The following RNF139 variants were observed in gnomAD, a reference collection of about 807,000 sequenced individuals.
RNF139 encodes the protein E3 ubiquitin-protein ligase RNF139.
Under a neutral mutation model 49.5 loss-of-function variants are expected in RNF139, and 15 were observed. The observed-to-expected ratio is 0.30, with a 90% CI of 0.20 to 0.47. The LOEUF (loss-of-function observed/expected upper bound fraction) is 0.47. Ranked by LOEUF, RNF139 falls within the 20% of genes least tolerant of loss-of-function variation. The pLI is 1.00. For missense variants in RNF139, 619 were observed against 806.3 expected, an observed-to-expected ratio of 0.77 and a Z score of 2.81; for synonymous variants, 325 against 300.9, an observed-to-expected ratio of 1.08 and a Z score of -0.83.
chr8:124,475,055 GC>G lies in RNF139; in HGVS notation c.-52del. On this transcript the variant is annotated 5_prime_UTR_variant, in exon 1 of 2. Coordinates refer to ENST00000303545, the MANE Select transcript of RNF139 (RefSeq NM_007218.4). Reference sequence around the variant, plus strand: ...CCCCCGCCCCCGGCCGCGGCCCCGGGCCCTGCCCCGCGCGGCCCTGCCCGGC... The same window carrying G: ...CCCCCGCCCCCGGCCGCGGCCCCGGGCCTGCCCCGCGCGGCCCTGCCCGGC... The G allele has an allele frequency of 7.6e-7, 1 of 1,314,792 alleles. No homozygotes were observed. Among genetic ancestry groups the G allele is most frequent in the South Asian group, 1.9e-5 (1 of 53,722 alleles). 81.4% of individuals were successfully genotyped at this position (1,314,792 alleles called of 1,614,324 possible).
In RNF139 at chr8:124,485,986, G is replaced by T. The variant is rs1418532414; in HGVS notation, c.337G>T (p.Ala113Ser). Residue 113 changes from alanine to serine, a missense_variant, in exon 2 of 2, where the codon GCT (alanine) becomes TCT (serine). By Grantham distance (99) the Ala-to-Ser change is moderately conservative. Transcript: ENST00000303545. ...CTTCTATGGTGCCTACAACACGTCA[G>T]CTTTTGGAATTGAGCTGCTTCCTCG... ...IDFYGAYNTS[A>S]FGIELLPRKG... The T allele has an allele frequency of 1.2e-6, 2 of 1,614,200 alleles. No individual in the cohort carries two copies. The highest frequency in any genetic ancestry group is 8.5e-7 in the Non-Finnish European group (1 of 1,180,024).
rs749904748 is a variant in RNF139 at position 124,487,559 on chromosome 8, GTGA to G, written c.1919_1921del (p.Asp640del). On this transcript the variant is annotated inframe_deletion, in exon 2 of 2. Coordinates refer to ENST00000303545, the MANE Select transcript of RNF139 (RefSeq NM_007218.4). ...TTGAACGAAGATGACAGTACAGATT[GTGA>G]TGATGATGTTCAAAGAGAAAGAAAT... 1.1e-5 allele frequency: 17 copies of G among 1,613,968 alleles called. No individual in the cohort carries two copies. Among genetic ancestry groups the G allele is most frequent in the Middle Eastern group, 1.6e-4 (1 of 6,084 alleles).
intron 1 of RNF139, among the ~76,000 whole-genome samples, chr8:124,476,621 C>G (rs1473390605): frequency 6.6e-6 from 1 of 152,316 alleles, no homozygotes; most frequent in Non-Finnish European, 1.5e-5. Context: ...CACCTGCTAC[C>G]TAATTCCAGC....
chr8:124,486,520 G>T lies in RNF139; in HGVS notation c.871G>T (p.Val291Leu), dbSNP rs773677252. 1 of 1,614,148 alleles carries T rather than the reference G, an allele frequency of 6.2e-7. No individual in the cohort carries two copies. The highest frequency in any genetic ancestry group is 8.5e-7 in the Non-Finnish European group (1 of 1,180,016). The change falls in exon 2 of 2, where the codon GTA (valine) becomes TTA (leucine). Residue 291 changes from valine to leucine, a missense_variant. By Grantham distance (32) the Val-to-Leu change is conservative (BLOSUM62 1). Around this residue, in one of 2 missense-constraint regions of RNF139, gnomAD observed 530 missense variants for 728.9 expected, o/e 0.73. Coordinates refer to ENST00000303545, the MANE Select transcript of RNF139 (RefSeq NM_007218.4). ...IISGCDSTLTVLGMSAVISSV... is the reference protein window; with the variant it reads ...IISGCDSTLTLLGMSAVISSV... ...TAGTGGGTGCGATTCTACACTAACT[G>T]TACTGGGCATGAGTGCTGTAATTTC...
intron 1 of RNF139, among the ~76,000 whole-genome samples, chr8:124,479,479 C>T (rs1262005007): frequency 6.6e-6 from 1 of 152,094 alleles, no homozygotes; most frequent in Non-Finnish European, 1.5e-5. Context: ...AAAAACAAAG[C>T]CGAAGTAATT....
At chr8:124,483,115 T>A (rs1248142117) in intron 1 of RNF139, among the ~76,000 whole-genome samples, 1 of 100,540 alleles carries the variant, frequency 9.9e-6, no homozygotes, top group Non-Finnish European at 1.9e-5. Flanking sequence ...ATATTAAAAA[T>A]ATATATATTT....
At chr8:124,483,021 ATAT>A (rs1458664793) in intron 1 of RNF139, among the ~76,000 whole-genome samples, 2 of 87,886 alleles carry the variant, frequency 2.3e-5, no homozygotes, top group Non-Finnish European at 3.8e-5. Context: ...ATATATATAT[ATAT>A]TTAAATATAT....
rs746190054 is a variant in RNF139, at chr8:124,487,099, G to T, written c.1450G>T (p.Ala484Ser). The change falls in exon 2 of 2, where the codon GCT becomes TCT. Residue 484 changes from alanine (A) to serine (S), a missense_variant. Ala to Ser is a moderately conservative substitution (Grantham distance 99). Coordinates refer to ENST00000303545, the MANE Select transcript of RNF139 (RefSeq NM_007218.4). ...IFGVVMFGNG[A>S]YTMMFESGSK... ...TGGAGTTGTAATGTTTGGAAATGGG[G>T]CTTACACTATGATGTTTGAGTCGGG... 50 of 1,613,762 alleles carry T rather than the reference G, an allele frequency of 3.1e-5. No homozygotes were observed. Among genetic ancestry groups the T allele is most frequent in the Non-Finnish European group, 4.2e-5 (50 of 1,179,986 alleles).
intron 1 of RNF139, among the ~76,000 whole-genome samples, chr8:124,477,527 T>C (rs751164772): frequency 1.3e-5 from 2 of 152,164 alleles, no homozygotes; most frequent in Non-Finnish European, 2.9e-5. Flanking sequence ...GCATTACCAG[T>C]TTTATGTGTG....
At chr8:124,485,705 T>G in intron 1 of RNF139, 126 bp from the exon 2 acceptor site, 6 of 827,352 alleles carry the variant, frequency 7.3e-6, no homozygotes, top group Non-Finnish European at 9.1e-6. Context: ...TTAGTTGTCT[T>G]GAGGCTTAAT....
chr8:124,486,968 T>C lies in RNF139; in HGVS notation c.1319T>C (p.Val440Ala). The part of the protein sequence containing the change: ...LCLKVIVSLT[V>A]YTLFMIDGYY... ...TTAAAAGTAATTGTTTCTCTCACTG[T>C]TTATACGTTATTCATGATTGATGGC... Residue 440 changes from valine to alanine, a missense_variant, in exon 2 of 2, where the codon GTT (valine) becomes GCT (alanine). Val to Ala is a moderately conservative substitution (Grantham distance 64). Around this residue, in one of 2 missense-constraint regions of RNF139, gnomAD observed 530 missense variants for 728.9 expected, o/e 0.73. Coordinates refer to ENST00000303545, the MANE Select transcript of RNF139 (RefSeq NM_007218.4). 6.2e-7 allele frequency: 1 copy of C among 1,614,094 alleles called. No homozygotes were observed. Among genetic ancestry groups the C allele is most frequent in the Non-Finnish European group, 8.5e-7 (1 of 1,180,002 alleles).
chr8:124,478,752 T>C (rs548271422), intron 1 of RNF139, among the ~76,000 whole-genome samples: 5 of 150,882 alleles, frequency 3.3e-5, no homozygotes, highest in Admixed American at 2.6e-4. Context: ...CGGAGTTTGC[T>C]CTTGTTGCCC....
intron 1 of RNF139, among the ~76,000 whole-genome samples, chr8:124,481,896 G>A (rs569425730): frequency 1.0e-3 from 154 of 152,214 alleles, no homozygotes; most frequent in Non-Finnish European, 1.5e-3. Flanking sequence ...TTACTTTGGA[G>A]ACTTGTTACT....
At chr8:124,483,019 A>G (rs1403603839) in intron 1 of RNF139, among the ~76,000 whole-genome samples, 1 of 99,076 alleles carries the variant, frequency 1.0e-5, no homozygotes, top group Non-Finnish European at 1.8e-5. Context: ...AAATATATAT[A>G]TATATTTAAA....
In RNF139 at chr8:124,474,922, C is replaced by G. The variant is rs1286726065; in HGVS notation, c.-188C>G. On this transcript the variant is annotated 5_prime_UTR_variant, in exon 1 of 2. The change creates a new upstream start codon in the 5' untranslated region. Coordinates refer to ENST00000303545, the MANE Select transcript of RNF139 (RefSeq NM_007218.4). The surrounding 1 kb of genome is among the most constrained non-coding windows in gnomAD (Gnocchi z 4.6). ...CCGCCGCCGCCGCCCTCTCGGCCAT[C>G]GCTGCCTCCGCCGCCTGCTCCACCT... is the stretch of plus-strand genomic sequence containing the variant. 1 of 348,916 alleles carries G rather than the reference C, an allele frequency of 2.9e-6. No homozygotes were observed. Among genetic ancestry groups the G allele is most frequent in the Non-Finnish European group, 5.0e-6 (1 of 200,082 alleles). 21.6% of individuals were successfully genotyped at this position (348,916 alleles called of 1,614,324 possible). A position where few individuals can be genotyped will look rare whatever the true frequency, so the allele number is the denominator to read the frequency against.
In RNF139 at chr8:124,486,675, G is replaced by C; in HGVS notation, c.1026G>C (p.Gly342=). The change falls in exon 2 of 2, where the codon GGG becomes GGC. Residue 342 remains glycine (G), a synonymous_variant. Coordinates refer to ENST00000303545, the MANE Select transcript of RNF139 (RefSeq NM_007218.4). ...TGGCTCTTCAGACTGGGTTAAGTGG[G>C]CTAAGACCAGAAGAGAGACTTATTC... The part of the protein sequence containing the change: ...FILALQTGLS[G]LRPEERLIRL... 1 of 1,614,086 alleles carries C rather than the reference G, an allele frequency of 6.2e-7. No homozygotes were observed. The highest frequency in any genetic ancestry group is 8.5e-7 in the Non-Finnish European group (1 of 1,180,004).
chr8:124,479,923 C>T (rs1816378659), intron 1 of RNF139, among the ~76,000 whole-genome samples: 1 of 151,934 alleles, frequency 6.6e-6, no homozygotes, highest in African/African-American at 2.4e-5. Flanking sequence ...TATAGACAGT[C>T]ACTTCTAGGT....
intron 1 of RNF139, chr8:124,483,448 T>G (rs1009951882): frequency 6.6e-6 from 1 of 151,870 alleles, no homozygotes; most frequent in Non-Finnish European, 1.5e-5. Context: ...ATTTATTTAT[T>G]TATGTATTTT....
At chr8:124,475,349 G>A in intron 1 of RNF139, 59 bp downstream of exon 1, 1 of 1,554,050 alleles carries the variant, frequency 6.4e-7, no homozygotes, top group Non-Finnish European at 8.8e-7. Context: ...ACGTTCCCCG[G>A]GGAGCGGGCA....
Sources: allele counts gnomAD v4.1 joint callset (sites outside exome capture counted in the v4.1 genomes callset), GRCh38; gene constraint gnomAD v4.1.1; regional missense constraint gnomAD v4.1.1; non-coding constraint Gnocchi (gnomAD v3.1); transcripts MANE v1.5; gene names NCBI Gene and HGNC (gene_info 2026-07-23, HGNC 2026-07-21).